ZYG11A: variants seen among roughly 807,000 people sequenced by gnomAD.
ZYG11A encodes the protein protein zyg-11 homolog A.
ZYG11A carries 62 observed loss-of-function variants against 77.2 expected under a neutral mutation model. The observed-to-expected ratio is 0.80, with a 90% CI of 0.65 to 0.99. ZYG11A has a LOEUF of 0.99. Ranked by LOEUF, ZYG11A falls within the 50% of genes least tolerant of loss-of-function variation. ZYG11A has a pLI of 0.00. For missense variants in ZYG11A, 828 were observed against 896.8 expected (o/e 0.92, Z 0.98); for synonymous variants, 315 against 324.6 (o/e 0.97, Z 0.32).
intron 11 of ZYG11A, 180 bp downstream of exon 11, chr1:52,881,845 C>T (rs1646369554): frequency 4.1e-6 from 2 of 482,652 alleles, no homozygotes; most frequent in South Asian, 3.9e-5. Flanking sequence ...ATATGACTTA[C>T]TTCGGTCCTC....
intron 11 of ZYG11A, 44 bp from the exon 12 acceptor site, chr1:52,885,789 T>C: frequency 1.4e-6 from 2 of 1,386,928 alleles, no homozygotes; most frequent in Non-Finnish European, 2.0e-6. Flanking sequence ...TTGTAAATGA[T>C]GGATTATTCA....
chr1:52,853,203 A>G (rs558172883), intron 1 of ZYG11A, among the ~76,000 whole-genome samples: 1 of 152,364 alleles, frequency 6.6e-6, no homozygotes, highest in African/African-American at 2.4e-5. Context: ...TTGAAAGAGT[A>G]TCATATTATG....
rs1571857074 is a variant in ZYG11A, at chr1:52,866,159, G to A, written c.1327-344G>A. Among the ~76,000 whole-genome samples the A allele has an allele frequency of 3.3e-5, 5 of 151,994 alleles. 1 individual carries two copies. Among genetic ancestry groups the A allele is most frequent in the African/African-American group, 1.2e-4 (5 of 41,458 alleles). ...TCACTGTGCTAGCCAGGTTGGTCTC[G>A]ATCTCCTGACCTCGTGATCCGCCTG... is the stretch of plus-strand genomic sequence containing the variant. On this transcript the variant is annotated intron_variant, in intron 5 of 13. Coordinates refer to ENST00000371528, the MANE Select transcript of ZYG11A (RefSeq NM_001004339.3).
chr1:52,877,995 T>G (rs1646292209), intron 10 of ZYG11A, 26 bp downstream of exon 10: 3 of 1,548,366 alleles, frequency 1.9e-6, no homozygotes, highest in Non-Finnish European at 2.6e-6. Context: ...TTGAATTAAT[T>G]TTAATTGCTT....
At chr1:52,882,803 C>G (rs1423511716) in intron 11 of ZYG11A, among the ~76,000 whole-genome samples, 1 of 152,178 alleles carries the variant, frequency 6.6e-6, no homozygotes, top group East Asian at 1.9e-4. Flanking sequence ...GTTCAGAAAT[C>G]ACAATGGCTT....
At position 52,865,655 on chromosome 1, in the gene ZYG11A, G is replaced by A. The variant is rs574423363; in HGVS notation, c.1327-848G>A. On this transcript the variant is annotated intron_variant, in intron 5 of 13. Transcript: ENST00000371528. The stretch of plus-strand genomic sequence containing the variant: ...ACACAGAGATGAAGTACTGATATCT[G>A]CAGTGTAGATGAAACTCAAAAATGT... Among the ~76,000 whole-genome samples the A allele has an allele frequency of 1.2e-4, 19 of 152,272 alleles. No individual in the cohort carries two copies. In the South Asian group the frequency reaches 3.9e-3, roughly 32 times the overall value.
intron 8 of ZYG11A, 26 bp downstream of exon 8, chr1:52,867,803 CT>C: frequency 5.2e-6 from 8 of 1,534,594 alleles, no homozygotes; most frequent in Admixed American, 2.1e-5. Flanking sequence ...TGTTCATAAC[CT>C]TTTTTTAAAA....
At chr1:52,881,972 G>A (rs1337172422) in intron 11 of ZYG11A, among the ~76,000 whole-genome samples, 3 of 150,944 alleles carry the variant, frequency 2.0e-5, no homozygotes, top group African/African-American at 7.3e-5. Context: ...ACAGCACACT[G>A]CAGCCTCAAC....
intron 4 of ZYG11A, among the ~76,000 whole-genome samples, chr1:52,862,200 C>T (rs1182633759): frequency 6.6e-6 from 1 of 151,080 alleles, no homozygotes; most frequent in Non-Finnish European, 1.5e-5. Context: ...CAGAGCAAGA[C>T]TCTGTCTCAA....
At chr1:52,888,256 A>G (rs1557460179) in intron 13 of ZYG11A, among the ~76,000 whole-genome samples, 1 of 152,220 alleles carries the variant, frequency 6.6e-6, no homozygotes, top group African/African-American at 2.4e-5. Flanking sequence ...TTTTCAGTTT[A>G]TTAATGTAAT....
intron 8 of ZYG11A, among the ~76,000 whole-genome samples, chr1:52,870,654 C>G (rs1348911658): frequency 1.3e-5 from 2 of 152,212 alleles, no homozygotes; most frequent in African/African-American, 2.4e-5. Context: ...CGGTTAGGAG[C>G]TGGAGACCAG....
rs1464675078 is a variant in ZYG11A at position 52,857,700 on chromosome 1, C to T, written c.959C>T (p.Ala320Val). ...GCCATGCAATTTGTGGGACTATTGG[C>T]CACGGATGCTGGCTCTTCTGACTTC... ...RPAMQFVGLL[A>V]TDAGSSDFFT... Residue 320 changes from alanine to valine, a missense_variant, in exon 3 of 14, where the codon GCC becomes GTC. Coordinates refer to ENST00000371528, the MANE Select transcript of ZYG11A (RefSeq NM_001004339.3). 2.6e-6 allele frequency: 4 copies of T among 1,551,880 alleles called. No individual in the cohort carries two copies. Among genetic ancestry groups the T allele is most frequent in the Non-Finnish European group, 2.6e-6 (3 of 1,146,984 alleles).
chr1:52,860,985 G>A (rs373457797), intron 4 of ZYG11A, 114 bp downstream of exon 4: 6 of 1,062,542 alleles, frequency 5.6e-6, no homozygotes, highest in Middle Eastern at 2.8e-4. Context: ...AGTGAGTCAA[G>A]TGCTCTCATA....
chr1:52,863,433 C>T (rs1645965937), intron 4 of ZYG11A, among the ~76,000 whole-genome samples: 1 of 152,168 alleles, frequency 6.6e-6, no homozygotes, highest in Non-Finnish European at 1.5e-5. Flanking sequence ...CATTCTGCCC[C>T]TACATTTATC....
intron 8 of ZYG11A, among the ~76,000 whole-genome samples, chr1:52,871,409 C>G (rs1468170145): frequency 6.6e-6 from 1 of 151,836 alleles, no homozygotes; most frequent in Non-Finnish European, 1.5e-5. Context: ...TTTATGCTAC[C>G]TTTATCATAT....
At chr1:52,868,739 A>G (rs1404234479) in intron 8 of ZYG11A, among the ~76,000 whole-genome samples, 1 of 152,218 alleles carries the variant, frequency 6.6e-6, no homozygotes. Flanking sequence ...GTGAGCTAAG[A>G]TCGCACAGGT....
At chr1:52,887,467 C>A (rs1025985612) in intron 13 of ZYG11A, among the ~76,000 whole-genome samples, 1 of 152,172 alleles carries the variant, frequency 6.6e-6, no homozygotes, top group African/African-American at 2.4e-5. Context: ...TGCTGACACT[C>A]TTCCTTTAGT....
At position 52,893,112 on chromosome 1, in the gene ZYG11A, A is replaced by T; in HGVS notation, c.*155A>T. The T allele has an allele frequency of 1.4e-6, 1 of 694,772 alleles. No individual in the cohort carries two copies. Among genetic ancestry groups the T allele is most frequent in the Admixed American group, 3.1e-5 (1 of 32,360 alleles). The allele number at this position is 694,772 out of a possible 1,614,324, so 43.0% of individuals were successfully genotyped here. On this transcript the variant is annotated 3_prime_UTR_variant, in exon 14 of 14. Transcript: ENST00000371528. ...ATATGTTACAAAAGGTTGGATTTGT[A>T]TGATAGCTGTAATCCCAAGTCAAGT...
At chr1:52,860,002 T>C (rs950074498) in intron 3 of ZYG11A, among the ~76,000 whole-genome samples, 1 of 152,162 alleles carries the variant, frequency 6.6e-6, no homozygotes, top group Non-Finnish European at 1.5e-5. Context: ...ACTATAACTT[T>C]ATATGAAGTC....
Sources: gnomAD v4.1 joint callset for allele counts (sites outside exome capture counted in the v4.1 genomes callset) on GRCh38, gnomAD v4.1.1 for gene constraint, MANE v1.5 for transcripts, NCBI Gene and HGNC (gene_info 2026-07-23, HGNC 2026-07-21) for gene names.